Variants in DENND2B observed in about 807,000 individuals in gnomAD.
DENND2B encodes the protein DENN domain containing 2B.
A neutral mutation model predicts 116.0 loss-of-function variants in DENND2B; 32 were observed. The ratio of observed to expected loss-of-function variants is 0.28; its 90% CI spans 0.21 to 0.37. The LOEUF is 0.37. DENND2B is among the 10% of genes least tolerant of loss of function. The probability of loss-of-function intolerance (pLI) is 1.00; values close to 1 mark genes in which losing one functional copy is unlikely to be tolerated. For synonymous variants in DENND2B, 588 were observed against 583.9 expected, an observed-to-expected ratio of 1.01 and a Z score of -0.10; for missense variants, 1,276 against 1,477.7, an observed-to-expected ratio of 0.86 and a Z score of 2.24.
At chr11:8,800,364 C>A (rs1326726742) in intron 1 of DENND2B, among the ~76,000 whole-genome samples, 1 of 152,168 alleles carries the variant, frequency 6.6e-6, no homozygotes, top group East Asian at 1.9e-4. Context: ...AAACTTACCT[C>A]CACTAAGGAG....
intron 3 of DENND2B, among the ~76,000 whole-genome samples, chr11:8,850,398 T>G (rs2062964109): frequency 6.7e-6 from 1 of 150,094 alleles, no homozygotes; most frequent in Non-Finnish European, 1.5e-5. Flanking sequence ...TGAACAGACG[T>G]TTTTCAGAAG....
intron 3 of DENND2B, among the ~76,000 whole-genome samples, chr11:8,727,340 T>G (rs2047240890): frequency 6.6e-6 from 1 of 152,176 alleles, no homozygotes; most frequent in South Asian, 2.1e-4. Context: ...AGCTTGTTCT[T>G]AGCTTGCCTG....
chr11:8,900,091 G>C (rs1027500200), intron 1 of DENND2B, among the ~76,000 whole-genome samples: 35 of 152,180 alleles, frequency 2.3e-4, no homozygotes, highest in African/African-American at 7.7e-4. Flanking sequence ...AGGAGTTAGA[G>C]GCCAGCCTGG....
At chr11:8,711,334 C>A (rs2043638577) in intron 9 of DENND2B, 103 bp from the exon 10 acceptor site, 2 of 912,126 alleles carry the variant, frequency 2.2e-6, no homozygotes, top group Admixed American at 3.7e-5. Flanking sequence ...CACTGACTAG[C>A]GGGCATGATC....
At position 8,762,651 on chromosome 11, in the gene DENND2B, G is replaced by A. The variant is rs192203621; in HGVS notation, c.-25-11926C>T. ...CGAGGCAGGTGGATCACCTGAGGTC[G>A]GGAGTTTGAGACCAGCCTGACCAAC... On this transcript the variant is annotated intron_variant, in intron 1 of 19. Coordinates refer to ENST00000313726, the MANE Select transcript of DENND2B (RefSeq NM_213618.2). 2.6e-5 allele frequency among the ~76,000 whole-genome samples: 4 copies of A among 152,230 alleles called. No homozygotes were observed. In the East Asian group the frequency reaches 7.7e-4, roughly 29 times the overall value.
At chr11:8,818,651 C>T (rs2061660645) in intron 4 of DENND2B, among the ~76,000 whole-genome samples, 1 of 152,166 alleles carries the variant, frequency 6.6e-6, no homozygotes, top group Non-Finnish European at 1.5e-5. Context: ...TGCCCCACTG[C>T]CTTGTGTGAC....
chr11:8,730,908 C>T lies in DENND2B; in HGVS notation c.382G>A (p.Val128Ile), dbSNP rs770680072. 1 of 1,614,160 alleles carries T rather than the reference C, an allele frequency of 6.2e-7. No individual in the cohort carries two copies. Among genetic ancestry groups the T allele is most frequent in the Non-Finnish European group, 8.5e-7 (1 of 1,180,048 alleles). Reference protein sequence around the residue: ...VQGAAQDVAGVAACLPLAQST... With the variant: ...VQGAAQDVAGIAACLPLAQST... ...TGGGCAAGGGGGAGGCAGGCAGCGACCCCTGCTACATCCTGGGCTGCGCCT... is the reference window on the plus strand; with the variant it reads ...TGGGCAAGGGGGAGGCAGGCAGCGATCCCTGCTACATCCTGGGCTGCGCCT... The change falls in exon 3 of 20, where the codon GTC (valine) becomes ATC (isoleucine). Residue 128 changes from valine (V) to isoleucine (I), a missense_variant. Val to Ile is a conservative substitution (Grantham distance 29). Transcript: ENST00000313726. This position sits in a 1 kb window ranked among gnomAD's most constrained non-coding sequence, Gnocchi z 4.1.
chr11:8,756,904 G>A (rs1232958753), intron 1 of DENND2B: 2 of 395,292 alleles, frequency 5.1e-6, no homozygotes, highest in Non-Finnish European at 1.0e-5. Flanking sequence ...GCAAAGTCTA[G>A]GCAGAAACTG....
chr11:8,756,776 T>C (rs1386281355), intron 1 of DENND2B, among the ~76,000 whole-genome samples: 1 of 152,152 alleles, frequency 6.6e-6, no homozygotes, highest in Non-Finnish European at 1.5e-5. Context: ...CCTGATATCC[T>C]GGCTAGTCAG....
chr11:8,846,194 AC>A (rs1339172482), intron 3 of DENND2B, among the ~76,000 whole-genome samples: 3 of 152,204 alleles, frequency 2.0e-5, no homozygotes, highest in African/African-American at 7.2e-5. Context: ...TGGAATTGCA[AC>A]CTGGAAGCCT....
intron 16 of DENND2B, among the ~76,000 whole-genome samples, chr11:8,698,477 C>T (rs1172903059): frequency 1.3e-5 from 2 of 152,174 alleles, no homozygotes; most frequent in Non-Finnish European, 2.9e-5. Context: ...TTGTAGAGAG[C>T]CAGGAGGATT....
chr11:8,730,964 C>T lies in DENND2B; in HGVS notation c.326G>A (p.Cys109Tyr), dbSNP rs368346834. 1.2e-6 allele frequency: 2 copies of T among 1,614,254 alleles called. No individual in the cohort carries two copies. Among genetic ancestry groups the T allele is most frequent in the Non-Finnish European group, 1.7e-6 (2 of 1,180,054 alleles). The change falls in exon 3 of 20, where the codon TGC becomes TAC. Residue 109 changes from cysteine to tyrosine, a missense_variant. Transcript: ENST00000313726. This position sits in a 1 kb window ranked among gnomAD's most constrained non-coding sequence, Gnocchi z 4.1. ...FGYLDRSPSA[C>Y]KRDAQKESVQ... is the part of the protein sequence containing the mutation. Reference sequence around the variant, plus strand: ...ACTTTCCTTTTGGGCGTCTCTCTTGCACGCCGAAGGGCTTCTGTCCAAATA... The same window carrying T: ...ACTTTCCTTTTGGGCGTCTCTCTTGTACGCCGAAGGGCTTCTGTCCAAATA...
chr11:8,734,624 C>A (rs2048660736), intron 2 of DENND2B, among the ~76,000 whole-genome samples: 1 of 151,868 alleles, frequency 6.6e-6, no homozygotes, highest in Non-Finnish European at 1.5e-5. Flanking sequence ...CCAGTCTCTA[C>A]TAAAAATAAC....
intron 2 of DENND2B, among the ~76,000 whole-genome samples, chr11:8,879,431 T>A (rs1475588605): frequency 6.6e-6 from 1 of 152,224 alleles, no homozygotes; most frequent in African/African-American, 2.4e-5. Flanking sequence ...TCCTCCTGAC[T>A]GATACAGGAT....
chr11:8,831,303 C>A (rs939096567), intron 4 of DENND2B, among the ~76,000 whole-genome samples: 1 of 152,140 alleles, frequency 6.6e-6, no homozygotes, highest in African/African-American at 2.4e-5. Context: ...GCATTCCTGG[C>A]CATCACACCC....
intron 4 of DENND2B, among the ~76,000 whole-genome samples, chr11:8,720,297 C>T (rs1024874336): frequency 1.3e-5 from 2 of 152,068 alleles, no homozygotes; most frequent in African/African-American, 4.8e-5. Context: ...TCCTTCTTTT[C>T]CCTACAGTAA....
chr11:8,723,949 A>T (rs1246708873), intron 4 of DENND2B, among the ~76,000 whole-genome samples: 1 of 152,254 alleles, frequency 6.6e-6, no homozygotes, highest in Non-Finnish European at 1.5e-5. Context: ...GCAAGTGGTA[A>T]GGAAACGGCT....
At chr11:8,797,420 A>C in intron 1 of DENND2B, among the ~76,000 whole-genome samples, 1 of 150,280 alleles carries the variant, frequency 6.7e-6, no homozygotes, top group Admixed American at 6.6e-5. Flanking sequence ...GTTTCCTCAT[A>C]TTCTTATCCC....
At chr11:8,769,754 C>A (rs927782538) in intron 1 of DENND2B, among the ~76,000 whole-genome samples, 1 of 152,052 alleles carries the variant, frequency 6.6e-6, no homozygotes, top group Non-Finnish European at 1.5e-5. Flanking sequence ...TACCACTGTT[C>A]CCCTGGCTGG....
Sources: gnomAD v4.1 joint callset for allele counts (sites outside exome capture counted in the v4.1 genomes callset) on GRCh38, gnomAD v4.1.1 for gene constraint, Gnocchi (gnomAD v3.1) non-coding constraint, MANE v1.5 for transcripts, NCBI Gene and HGNC (gene_info 2026-07-23, HGNC 2026-07-21) for gene names.